The following C3orf70 variants were observed in gnomAD, a reference collection of about 807,000 sequenced individuals.
The protein encoded by C3orf70 is UPF0524 protein C3orf70.
In C3orf70, 15 loss-of-function variants were observed where a neutral mutation model predicts 20.7. That is an observed-to-expected ratio of 0.72 (90% CI 0.48 to 1.11). The LOEUF is 1.11. Among genes scored for constraint, C3orf70 ranks in the 50% most tolerant of loss-of-function variants. The probability of loss-of-function intolerance (pLI) is 0.00; values close to 1 mark genes in which losing one functional copy is unlikely to be tolerated. For missense variants in C3orf70, 332 were observed against 317.6 expected (o/e 1.05, Z -0.34); for synonymous variants, 161 against 125.7 (o/e 1.28, Z -1.88).
intron 1 of C3orf70, among the ~76,000 whole-genome samples, chr3:185,143,297 T>C (rs1161762777): frequency 6.6e-6 from 1 of 152,170 alleles, no homozygotes; most frequent in Non-Finnish European, 1.5e-5. Flanking sequence ...AAGGGAAAGA[T>C]AAAGCAAATG....
intron 1 of C3orf70, among the ~76,000 whole-genome samples, chr3:185,138,937 A>T: frequency 6.6e-6 from 1 of 151,796 alleles, no homozygotes; most frequent in East Asian, 2.0e-4. Context: ...ATGTGTCTAC[A>T]AAAAAAGTTT....
At chr3:185,110,521 G>T (rs987167781) in intron 1 of C3orf70, among the ~76,000 whole-genome samples, 2 of 151,928 alleles carry the variant, frequency 1.3e-5, no homozygotes, top group South Asian at 2.1e-4. Context: ...TTTGCAAATC[G>T]AATAAGGGGG....
At chr3:185,130,808 T>C (rs1198021033) in intron 1 of C3orf70, among the ~76,000 whole-genome samples, 1 of 152,250 alleles carries the variant, frequency 6.6e-6, no homozygotes, top group Non-Finnish European at 1.5e-5. Flanking sequence ...TTCCTTTGCA[T>C]TGCCAAATAA....
intron 1 of C3orf70, among the ~76,000 whole-genome samples, chr3:185,111,328 T>G (rs1716069080): frequency 6.6e-6 from 1 of 152,132 alleles, no homozygotes; most frequent in South Asian, 2.1e-4. Context: ...GAGAAAATAT[T>G]TGCCAGTCAT....
chr3:185,140,182 G>A (rs4687083), intron 1 of C3orf70, among the ~76,000 whole-genome samples: 19,226 of 152,112 alleles, frequency 0.13, 1,330 homozygotes, highest in East Asian at 0.23. Flanking sequence ...CCAGTCATAC[G>A]TGGACTCATG....
chr3:185,134,197 C>A (rs903720547), intron 1 of C3orf70, among the ~76,000 whole-genome samples: 1 of 151,724 alleles, frequency 6.6e-6, no homozygotes, highest in Non-Finnish European at 1.5e-5. Flanking sequence ...TTCTTTTTTA[C>A]ATAGGTTGAC....
chr3:185,083,067 G>A lies in C3orf70; in HGVS notation c.693C>T (p.Thr231=). The change falls in exon 2 of 2, where the codon ACC becomes ACT. Residue 231 remains threonine, a synonymous_variant. Coordinates refer to ENST00000335012, the MANE Select transcript of C3orf70 (RefSeq NM_001025266.3). ...GGTCAGACTGCGAGGGGGAGAGAAG[G>A]GTGCACTCATCCGGTTCCCAGCTGC... ...PESSWEPDEC[T]LLSPSQSDLE... is the part of the protein sequence containing the mutation. The A allele has an allele frequency of 6.2e-7, 1 of 1,614,092 alleles. No homozygotes were observed. The highest frequency in any genetic ancestry group is 2.2e-5 in the East Asian group (1 of 44,872).
intron 1 of C3orf70, among the ~76,000 whole-genome samples, chr3:185,102,093 A>G (rs1715834722): frequency 6.6e-6 from 1 of 152,190 alleles, no homozygotes; most frequent in Non-Finnish European, 1.5e-5. Flanking sequence ...AGAAAGAATG[A>G]AAGGGCATCC....
At chr3:185,128,538 AAAC>A (rs1010355885) in intron 1 of C3orf70, among the ~76,000 whole-genome samples, 2 of 151,948 alleles carry the variant, frequency 1.3e-5, no homozygotes, top group Non-Finnish European at 2.9e-5. Context: ...AAAAAAAAAA[AAAC>A]AACAAAACCC....
chr3:185,140,101 T>C (rs1327211490), intron 1 of C3orf70, among the ~76,000 whole-genome samples: 1 of 152,214 alleles, frequency 6.6e-6, no homozygotes, highest in Non-Finnish European at 1.5e-5. Context: ...AGTCCCACAG[T>C]TGGCCCTCGG....
intron 1 of C3orf70, among the ~76,000 whole-genome samples, chr3:185,109,924 C>T (rs775444424): frequency 2.0e-5 from 3 of 152,174 alleles, no homozygotes; most frequent in African/African-American, 4.8e-5. Context: ...TGCTACACAA[C>T]GATTCCTATG....
At position 185,117,002 on chromosome 3, in the gene C3orf70, C is replaced by T. The variant is rs945413661; in HGVS notation, c.197-33439G>A. Reference sequence around the variant, plus strand: ...TTCACCATGTTAGCCAGGATGGTCTCGATCTCTGGACCTCGTGATCCGCCC... The same window carrying T: ...TTCACCATGTTAGCCAGGATGGTCTTGATCTCTGGACCTCGTGATCCGCCC... On this transcript the variant is annotated intron_variant, in intron 1 of 1. Coordinates refer to ENST00000335012, the MANE Select transcript of C3orf70 (RefSeq NM_001025266.3). Among the ~76,000 whole-genome samples the T allele has an allele frequency of 2.6e-5, 4 of 152,128 alleles. No homozygotes were observed. The South Asian group carries it at 8.3e-4, about 32-fold the overall frequency.
intron 1 of C3orf70, among the ~76,000 whole-genome samples, chr3:185,088,110 C>T (rs1376137531): frequency 6.6e-6 from 1 of 152,076 alleles, no homozygotes; most frequent in Admixed American, 6.5e-5. Context: ...GGAGTTTCTT[C>T]ACATTAGTCA....
chr3:185,109,307 A>G (rs939697224), intron 1 of C3orf70, among the ~76,000 whole-genome samples: 2 of 152,234 alleles, frequency 1.3e-5, no homozygotes, highest in Admixed American at 6.5e-5. Flanking sequence ...GTTAGGACAT[A>G]GATAAAATAA....
chr3:185,140,719 C>T (rs556648392), intron 1 of C3orf70, among the ~76,000 whole-genome samples: 1 of 148,378 alleles, frequency 6.7e-6, no homozygotes, highest in Non-Finnish European at 1.5e-5. Context: ...GAAGCCCAGG[C>T]GGATGGATCA....
At chr3:185,136,154 T>C (rs950359984) in intron 1 of C3orf70, among the ~76,000 whole-genome samples, 2 of 152,182 alleles carry the variant, frequency 1.3e-5, no homozygotes, top group African/African-American at 4.8e-5. Context: ...AAAGCAGTTA[T>C]GGCTATATTA....
chr3:185,094,860 G>A (rs961466357), intron 1 of C3orf70, among the ~76,000 whole-genome samples: 1 of 152,148 alleles, frequency 6.6e-6, no homozygotes, highest in Non-Finnish European at 1.5e-5. Context: ...AGAGGTCACT[G>A]GGGGTGAGAT....
intron 1 of C3orf70, among the ~76,000 whole-genome samples, chr3:185,122,517 C>A (rs900137096): frequency 6.6e-6 from 1 of 152,186 alleles, no homozygotes; most frequent in African/African-American, 2.4e-5. Context: ...GAAAGTGGAA[C>A]TATTACCTTG....
intron 1 of C3orf70, among the ~76,000 whole-genome samples, chr3:185,115,210 A>G (rs1459915586): frequency 6.6e-6 from 1 of 152,188 alleles, no homozygotes; most frequent in East Asian, 1.9e-4. Flanking sequence ...GAGCCAATAC[A>G]CTAAATAATC....
Sources: gnomAD v4.1 joint callset for allele counts (sites outside exome capture counted in the v4.1 genomes callset) on GRCh38, gnomAD v4.1.1 for gene constraint, MANE v1.5 for transcripts, NCBI Gene and HGNC (gene_info 2026-07-23, HGNC 2026-07-21) for gene names.